The following FBXO34 variants were observed in gnomAD, a reference collection of about 807,000 sequenced individuals.
FBXO34 encodes the protein F-box protein 34, also known as F-box only protein 34.
Under a neutral mutation model 24.5 loss-of-function variants are expected in FBXO34, and 12 were observed. That is an observed-to-expected ratio of 0.49 (90% CI 0.31 to 0.79). FBXO34 has a LOEUF of 0.79. FBXO34 is among the 30% of genes least tolerant of loss of function. FBXO34 has a pLI of 0.04. For synonymous variants in FBXO34, 320 were observed against 311.9 expected, an observed-to-expected ratio of 1.03 and a Z score of -0.27; for missense variants, 823 against 857.7, an observed-to-expected ratio of 0.96 and a Z score of 0.51.
intron 1 of FBXO34, among the ~76,000 whole-genome samples, chr14:55,327,673 A>G (rs527396071): frequency 6.6e-6 from 1 of 152,114 alleles, no homozygotes; most frequent in South Asian, 2.1e-4. Context: ...TACTTTGGAC[A>G]TGTTGAGTTT....
At chr14:55,281,601 TC>T (rs1480371973) in intron 1 of FBXO34, among the ~76,000 whole-genome samples, 1 of 152,220 alleles carries the variant, frequency 6.6e-6, no homozygotes, top group African/African-American at 2.4e-5. Flanking sequence ...TCAGGCAGTT[TC>T]CTCAGCCTTG....
chr14:55,363,060 T>G (rs970418687), downstream of FBXO34, among the ~76,000 whole-genome samples: 2 of 150,956 alleles, frequency 1.3e-5, no homozygotes, highest in African/African-American at 4.9e-5. Context: ...TTCGCTCTTG[T>G]TGCCCAGGCT....
intron 1 of FBXO34, among the ~76,000 whole-genome samples, chr14:55,339,655 G>A (rs1333825844): frequency 6.6e-6 from 1 of 152,124 alleles, no homozygotes; most frequent in African/African-American, 2.4e-5. Flanking sequence ...CTATAGTATA[G>A]ATTTATTTCT....
At chr14:55,304,796 C>G (rs1414553967) in intron 1 of FBXO34, among the ~76,000 whole-genome samples, 1 of 152,174 alleles carries the variant, frequency 6.6e-6, no homozygotes, top group Non-Finnish European at 1.5e-5. Flanking sequence ...TTGTGCCCAA[C>G]CCACCCTAGC....
At chr14:55,273,423 G>A (rs1301205558) in intron 1 of FBXO34, among the ~76,000 whole-genome samples, 1 of 152,176 alleles carries the variant, frequency 6.6e-6, no homozygotes, top group African/African-American at 2.4e-5. Flanking sequence ...TGACAGCATT[G>A]TGTGCGCTAC....
At chr14:55,305,340 G>C (rs530481828) in intron 1 of FBXO34, among the ~76,000 whole-genome samples, 1 of 151,720 alleles carries the variant, frequency 6.6e-6, no homozygotes, top group Non-Finnish European at 1.5e-5. Flanking sequence ...ACTTGAACCC[G>C]GGAGGTGGGG....
In FBXO34 at chr14:55,350,667, T is replaced by C. The variant is rs1294249589; in HGVS notation, c.277T>C (p.Ser93Pro). Residue 93 changes from serine (S) to proline (P), a missense_variant, in exon 2 of 2, where the codon TCT (serine) becomes CCT (proline). Around this residue, in one of 2 missense-constraint regions of FBXO34, gnomAD observed 693 missense variants for 659.1 expected, o/e 1.05. Transcript: ENST00000313833. ...LNVKTKKNAP[S>P]ATIHQGEEEG... is the part of the protein sequence containing the mutation. ...TGTTAAAACCAAAAAGAATGCACCA[T>C]CTGCAACGATCCACCAGGGCGAAGA... 2 of 1,613,770 alleles carry C rather than the reference T, an allele frequency of 1.2e-6. No homozygotes were observed. Among genetic ancestry groups the C allele is most frequent in the Non-Finnish European group, 1.7e-6 (2 of 1,179,958 alleles).
In FBXO34 at chr14:55,349,607, CT is replaced by C. The variant is rs57284715; in HGVS notation, c.-10-756del. On this transcript the variant is annotated intron_variant, in intron 1 of 1. Transcript: ENST00000313833. ...GAATAGTTTAGGAAGCAATAATTTT[CT>C]TTTTTTTTTTTTTTTTTGAGACAAA... Among the ~76,000 whole-genome samples the C allele has an allele frequency of 3.4e-3, 398 of 116,602 alleles. 1 individual carries two copies. The highest frequency in any genetic ancestry group is 5.0e-3 in the Non-Finnish European group (288 of 58,030). 76.5% of individuals were successfully genotyped at this position (116,602 alleles called of 152,430 possible). A position where few individuals can be genotyped will look rare whatever the true frequency, so the allele number is the denominator to read the frequency against.
chr14:55,389,597 C>A, the FBXO34 span, among the ~76,000 whole-genome samples: 2 of 152,216 alleles, frequency 1.3e-5, no homozygotes, highest in Non-Finnish European at 2.9e-5. Context: ...GTGACTCATT[C>A]TAAACTTTAA....
chr14:55,440,614 C>G, the FBXO34 span: 6 of 1,479,590 alleles, frequency 4.1e-6, no homozygotes, highest in Admixed American at 1.2e-4. Context: ...GCGAGAGAAG[C>G]GTTGGGCGAT....
chr14:55,289,006 A>G (rs1397121899), intron 1 of FBXO34, among the ~76,000 whole-genome samples: 1 of 152,146 alleles, frequency 6.6e-6, no homozygotes, highest in African/African-American at 2.4e-5. Flanking sequence ...AACTGAGATC[A>G]AGCTACTGCA....
At chr14:55,342,286 A>T (rs1204071019) in intron 1 of FBXO34, among the ~76,000 whole-genome samples, 1 of 152,200 alleles carries the variant, frequency 6.6e-6, no homozygotes, top group African/African-American at 2.4e-5. Flanking sequence ...TGAAAACCAT[A>T]CATGTGTTTC....
rs143705266 is a variant in FBXO34 at position 55,350,455 on chromosome 14, C to T, written c.65C>T (p.Thr22Met). 3.2e-5 allele frequency: 52 copies of T among 1,610,988 alleles called. No homozygotes were observed. The highest frequency in any genetic ancestry group is 2.2e-4 in the East Asian group (10 of 44,868). Residue 22 changes from threonine to methionine, a missense_variant, in exon 2 of 2, where the codon ACG (threonine) becomes ATG (methionine). Transcript: ENST00000313833. ...KEHPPEVSRE[T>M]QRTPMNHQKA... ...CACCCCCCGGAAGTCAGCAGGGAAA[C>T]GCAGAGAACTCCTATGAACCACCAA...
At chr14:55,359,990 G>A (rs899497344) in intron 3 of FBXO34, among the ~76,000 whole-genome samples, 15 of 151,922 alleles carry the variant, frequency 9.9e-5, no homozygotes, top group African/African-American at 3.6e-4. Context: ...TGAGGTGAGA[G>A]GATCACTTGG....
chr14:55,289,218 G>T (rs1195293570), intron 1 of FBXO34, among the ~76,000 whole-genome samples: 1 of 150,588 alleles, frequency 6.6e-6, no homozygotes, highest in South Asian at 2.1e-4. Context: ...TGTTATTTTT[G>T]TATCTAGTAG....
At position 55,350,531 on chromosome 14, in the gene FBXO34, CTT is replaced by C; in HGVS notation, c.143_144del (p.Phe48SerfsTer7). 1.2e-6 allele frequency: 2 copies of C among 1,613,952 alleles called. No individual in the cohort carries two copies. The highest frequency in any genetic ancestry group is 1.7e-6 in the Non-Finnish European group (2 of 1,179,986). ...CKASHITSSV[F>X]PSASLGKASS... ...AAGCTAGCCACATAACATCAAGTGTCTTTCCTTCAGCCTCTCTCGGTAAAGCA... is the reference window on the plus strand; with the variant it reads ...AAGCTAGCCACATAACATCAAGTGTCTCCTTCAGCCTCTCTCGGTAAAGCA... On this transcript the variant is annotated frameshift_variant, in exon 2 of 2. Coordinates refer to ENST00000313833, the MANE Select transcript of FBXO34 (RefSeq NM_017943.4). LOFTEE classifies it low-confidence loss of function (END_TRUNC).
chr14:55,272,492 G>A (rs1594716023), intron 1 of FBXO34, among the ~76,000 whole-genome samples: 1 of 150,248 alleles, frequency 6.7e-6, no homozygotes, highest in East Asian at 2.0e-4. Context: ...TGAAAAAAAA[G>A]AGAACCACTT....
the FBXO34 span, among the ~76,000 whole-genome samples, chr14:55,377,656 G>A: frequency 6.6e-6 from 1 of 152,086 alleles, no homozygotes; most frequent in African/African-American, 2.4e-5. Context: ...ACCCATAAAA[G>A]TTCAAATATA....
At chr14:55,340,631 T>C (rs1313348402) in intron 1 of FBXO34, among the ~76,000 whole-genome samples, 3 of 152,218 alleles carry the variant, frequency 2.0e-5, no homozygotes, top group African/African-American at 7.2e-5. Context: ...ACTGTGTTAA[T>C]GGGCCAGCCT....
Sources: allele counts gnomAD v4.1 joint callset (sites outside exome capture counted in the v4.1 genomes callset), GRCh38; gene constraint gnomAD v4.1.1; regional missense constraint gnomAD v4.1.1; transcripts MANE v1.5; gene names NCBI Gene and HGNC (gene_info 2026-07-23, HGNC 2026-07-21).